The following PRKRA variants were observed in gnomAD, a reference collection of about 807,000 sequenced individuals.
The protein encoded by PRKRA is protein activator of interferon induced protein kinase EIF2AK2.
Under a neutral mutation model 32.4 loss-of-function variants are expected in PRKRA, and 22 were observed. That is an observed-to-expected ratio of 0.68 (90% CI 0.49 to 0.97). PRKRA has a LOEUF of 0.97. Among genes scored for constraint, PRKRA ranks in the 50% least tolerant of loss-of-function variants. PRKRA has a pLI of 0.00. For synonymous variants in PRKRA, 139 were observed against 129.8 expected (o/e 1.07, Z -0.48); for missense variants, 319 against 375.6 (o/e 0.85, Z 1.25).
rs1388062855 is a variant in PRKRA at position 178,437,483 on chromosome 2, C to T, written c.610-1164G>A. Among the ~76,000 whole-genome samples, 5 of 152,312 alleles carry T rather than the reference C, an allele frequency of 3.3e-5. No homozygotes were observed. The East Asian group carries it at 7.7e-4, about 23-fold the overall frequency. ...ACATATATGCACTGTATTTACCTTA[C>T]GGATCTCCAACTGTGAGCTTTAGGT... is the stretch of plus-strand genomic sequence containing the variant. On this transcript the variant is annotated intron_variant, in intron 6 of 7. Transcript: ENST00000325748.
intron 6 of PRKRA, among the ~76,000 whole-genome samples, chr2:178,437,230 C>T (rs1302524982): frequency 6.6e-6 from 1 of 152,088 alleles, no homozygotes; most frequent in East Asian, 1.9e-4. Context: ...ACACTATTTA[C>T]ATGGTTAAAA....
Position 178,431,998 on chromosome 2 carries a change from G to C in PRKRA, c.*99C>G. ...TTGATGGAATCTATGAAGAGATTTA[G>C]AAACAAGACATAAACACTACGGTAA... On this transcript the variant is annotated 3_prime_UTR_variant, in exon 8 of 8. Transcript: ENST00000325748. 1 of 1,355,706 alleles carries C rather than the reference G, an allele frequency of 7.4e-7. No homozygotes were observed. Among genetic ancestry groups the C allele is most frequent in the South Asian group, 1.2e-5 (1 of 81,158 alleles). 84.0% of individuals were successfully genotyped at this position (1,355,706 alleles called of 1,614,324 possible).
intron 1 of PRKRA, 60 bp from the exon 2 acceptor site, chr2:178,450,471 T>C (rs774037263): frequency 5.2e-5 from 68 of 1,317,104 alleles, no homozygotes; most frequent in Middle Eastern, 2.4e-4. Flanking sequence ...AGCAGAAGCG[T>C]AGAGGCCAGT....
Position 178,436,372 on chromosome 2 carries a change from C to G in PRKRA, c.610-53G>C. 8 of 1,141,562 alleles carry G rather than the reference C, an allele frequency of 7.0e-6. No homozygotes were observed. In the South Asian group the frequency reaches 1.2e-4, roughly 17 times the overall value. The allele number at this position is 1,141,562 out of a possible 1,614,324, so 70.7% of individuals were successfully genotyped here. On this transcript the variant is annotated intron_variant, in intron 6 of 7. Coordinates refer to ENST00000325748, the MANE Select transcript of PRKRA (RefSeq NM_003690.5). ...TCTTGACTAGGACTGGGTTCCAACACCCGTACCAGTATCATTAAAAGTACT... is the reference window on the plus strand; with the variant it reads ...TCTTGACTAGGACTGGGTTCCAACAGCCGTACCAGTATCATTAAAAGTACT...
intron 1 of PRKRA, 92 bp downstream of exon 1, chr2:178,450,874 A>G: frequency 8.0e-7 from 1 of 1,254,808 alleles, no homozygotes; most frequent in South Asian, 1.6e-5. Flanking sequence ...GCACGGCTTT[A>G]CCCAGAATGC....
chr2:178,448,623 T>A (rs1355468307), intron 2 of PRKRA, among the ~76,000 whole-genome samples: 1 of 151,240 alleles, frequency 6.6e-6, no homozygotes, highest in African/African-American at 2.4e-5. Context: ...GGTTGTAATG[T>A]GACAAAAGGA....
chr2:178,442,774 C>T (rs999405097), intron 5 of PRKRA, among the ~76,000 whole-genome samples: 1 of 152,142 alleles, frequency 6.6e-6, no homozygotes, highest in African/African-American at 2.4e-5. Flanking sequence ...AAAGTGACAG[C>T]GTTTCTTATA....
At chr2:178,438,103 A>C (rs997853051) in intron 6 of PRKRA, among the ~76,000 whole-genome samples, 2 of 152,184 alleles carry the variant, frequency 1.3e-5, no homozygotes, top group Admixed American at 6.5e-5. Flanking sequence ...CTTAATTTAC[A>C]GATTTTTTGC....
intron 5 of PRKRA, among the ~76,000 whole-genome samples, chr2:178,442,617 G>A (rs2154125098): frequency 6.6e-6 from 1 of 152,270 alleles, no homozygotes; most frequent in African/African-American, 2.4e-5. Context: ...GGTGCTTTCT[G>A]TACTGGCCAC....
chr2:178,447,283 G>A (rs1056648683), intron 3 of PRKRA: 6 of 625,552 alleles, frequency 9.6e-6, no homozygotes, highest in African/African-American at 1.9e-5. Context: ...AAAAAAAACA[G>A]TAAAGCCTAG....
In PRKRA at chr2:178,436,231, A is replaced by C. The variant is rs756866536; in HGVS notation, c.698T>G (p.Leu233Arg). The C allele has an allele frequency of 6.2e-7, 1 of 1,613,178 alleles. No homozygotes were observed. The highest frequency in any genetic ancestry group is 8.5e-7 in the Non-Finnish European group (1 of 1,179,154). ...GTAATCTGTATTTGGAATACTAAGG[A>C]GGCTTCTTTTCAGTAAGTTGATCTT... ...GEKINLLKRSLLSIPNTDYIQ... is the reference protein window; with the variant it reads ...GEKINLLKRSRLSIPNTDYIQ... The change falls in exon 7 of 8, where the codon CTC becomes CGC. Residue 233 changes from leucine (L) to arginine (R), a missense_variant. Physicochemically the swap from Leu to Arg is moderately radical, Grantham distance 102. Coordinates refer to ENST00000325748, the MANE Select transcript of PRKRA (RefSeq NM_003690.5).
intron 3 of PRKRA, 82 bp downstream of exon 3, chr2:178,447,423 C>G: frequency 7.5e-7 from 1 of 1,339,072 alleles, no homozygotes; most frequent in Non-Finnish European, 9.8e-7. Flanking sequence ...CACTTTGTTG[C>G]TTTTGTAAGC....
At chr2:178,444,634 G>A in intron 3 of PRKRA, 134 bp from the exon 4 acceptor site, 1 of 734,552 alleles carries the variant, frequency 1.4e-6, no homozygotes, top group South Asian at 1.5e-5. Context: ...CCTTTTCTCA[G>A]ACCTCTTCTA....
In PRKRA at chr2:178,431,933, G is replaced by A. The variant is rs1370374452; in HGVS notation, c.*164C>T. The A allele has an allele frequency of 5.8e-6, 5 of 857,598 alleles. No homozygotes were observed. The highest frequency in any genetic ancestry group is 9.0e-6 in the Non-Finnish European group (5 of 553,402). 53.1% of individuals were successfully genotyped at this position (857,598 alleles called of 1,614,324 possible). A position where few individuals can be genotyped will look rare whatever the true frequency, so the allele number is the denominator to read the frequency against. ...TACAAAGTTGAAGCCATTAAAAAGAGCTTAATAACAACTATGAGGAGATAA... is the reference window on the plus strand; with the variant it reads ...TACAAAGTTGAAGCCATTAAAAAGAACTTAATAACAACTATGAGGAGATAA... On this transcript the variant is annotated 3_prime_UTR_variant, in exon 8 of 8. Coordinates refer to ENST00000325748, the MANE Select transcript of PRKRA (RefSeq NM_003690.5).
chr2:178,436,398 T>C, intron 6 of PRKRA, 79 bp from the exon 7 acceptor site: 1 of 1,175,496 alleles, frequency 8.5e-7, no homozygotes, highest in Non-Finnish European at 1.3e-6. Context: ...TAAAAGTACT[T>C]ATTAAGCACT....
At chr2:178,441,846 A>G (rs1352506051) in intron 5 of PRKRA, 142 bp from the exon 6 acceptor site, 1 of 710,370 alleles carries the variant, frequency 1.4e-6, no homozygotes, top group African/African-American at 1.8e-5. Flanking sequence ...TGACCTGATA[A>G]CTTTGTTTGT....
rs533650971 is a variant in PRKRA at position 178,436,194 on chromosome 2, A to G, written c.735T>C (p.Leu245=). The G allele has an allele frequency of 6.2e-7, 1 of 1,612,552 alleles. No homozygotes were observed. Among genetic ancestry groups the G allele is most frequent in the Non-Finnish European group, 8.5e-7 (1 of 1,178,608 alleles). Residue 245 remains leucine, a synonymous_variant, in exon 7 of 8, where the codon CTT becomes CTC. Transcript: ENST00000325748. ...SIPNTDYIQL[L]SEIAKEQGFN... The stretch of plus-strand genomic sequence containing the variant: ...AACCTTGTTCCTTGGCAATTTCACT[A>G]AGCAGCTGGATGTAATCTGTATTTG...
chr2:178,437,179 T>A (rs867285003), intron 6 of PRKRA, among the ~76,000 whole-genome samples: 3 of 152,078 alleles, frequency 2.0e-5, no homozygotes, highest in Non-Finnish European at 4.4e-5. Context: ...AAATAAAAAT[T>A]TACATTATAG....
At chr2:178,438,425 A>G (rs2154124881) in intron 6 of PRKRA, among the ~76,000 whole-genome samples, 1 of 152,252 alleles carries the variant, frequency 6.6e-6, no homozygotes, top group South Asian at 2.1e-4. Flanking sequence ...CTGATCTGAA[A>G]TCTCACTGTT....
Sources: gnomAD v4.1 joint callset for allele counts (sites outside exome capture counted in the v4.1 genomes callset) on GRCh38, gnomAD v4.1.1 for gene constraint, MANE v1.5 for transcripts, NCBI Gene and HGNC (gene_info 2026-07-23, HGNC 2026-07-21) for gene names.